The following SPAG16 variants were observed in gnomAD, a reference collection of about 807,000 sequenced individuals.
SPAG16 encodes the protein sperm associated antigen 16.
SPAG16 carries 86 observed loss-of-function variants against 80.4 expected under a neutral mutation model. The ratio of observed to expected loss-of-function variants is 1.07; its 90% CI spans 0.90 to 1.28. The LOEUF is 1.28. SPAG16 is among the 50% of genes most tolerant of loss of function. The probability of loss-of-function intolerance (pLI) is 0.00; values close to 1 mark genes in which losing one functional copy is unlikely to be tolerated. For synonymous variants in SPAG16, 294 were observed against 265.9 expected, an observed-to-expected ratio of 1.11 and a Z score of -1.03; for missense variants, 870 against 765.3, an observed-to-expected ratio of 1.14 and a Z score of -1.61.
At position 214,208,107 on chromosome 2, in the gene SPAG16, T is replaced by C. The variant is rs147505682; in HGVS notation, c.1720+58841T>C. 1.5e-3 allele frequency among the ~76,000 whole-genome samples: 228 copies of C among 152,350 alleles called. 2 individuals carry two copies. Among genetic ancestry groups the C allele is most frequent in the African/African-American group, 4.3e-3 (179 of 41,582 alleles). ...GTGCACCAATTCTCCTTAATAACTCTCTTTCATATATACATATACTCTATT... is the reference window on the plus strand; with the variant it reads ...GTGCACCAATTCTCCTTAATAACTCCCTTTCATATATACATATACTCTATT... On this transcript the variant is annotated intron_variant, in intron 15 of 15. Coordinates refer to ENST00000331683, the MANE Select transcript of SPAG16 (RefSeq NM_024532.5).
At chr2:214,404,401 G>A (rs1391600724) in intron 15 of SPAG16, among the ~76,000 whole-genome samples, 6 of 152,262 alleles carry the variant, frequency 3.9e-5, no homozygotes, top group African/African-American at 1.4e-4. Context: ...ACCTGAGAAC[G>A]TCAGAGATGA....
chr2:213,987,941 C>A (rs1288526543), intron 12 of SPAG16, among the ~76,000 whole-genome samples: 1 of 149,944 alleles, frequency 6.7e-6, no homozygotes, highest in East Asian at 1.9e-4. Context: ...AATTAGAGTG[C>A]GTTATAACAA....
intron 15 of SPAG16, among the ~76,000 whole-genome samples, chr2:214,326,552 T>G (rs1045353819): frequency 1.7e-4 from 18 of 108,818 alleles, no homozygotes; most frequent in African/African-American, 4.5e-4. Context: ...TGAGAAATCA[T>G]AATAAGAAGA....
chr2:213,681,861 T>TC (rs1384793984), intron 10 of SPAG16, among the ~76,000 whole-genome samples: 1 of 152,182 alleles, frequency 6.6e-6, no homozygotes, highest in Non-Finnish European at 1.5e-5. Context: ...TTCTTTCCAC[T>TC]CCCCATCTGT....
intron 10 of SPAG16, among the ~76,000 whole-genome samples, chr2:213,672,385 A>G (rs1234990463): frequency 6.9e-6 from 1 of 144,444 alleles, no homozygotes; most frequent in Non-Finnish European, 1.5e-5. Flanking sequence ...TTTCTTCCCT[A>G]TTTCTATCCT....
At chr2:214,002,819 G>A (rs539339481) in intron 12 of SPAG16, among the ~76,000 whole-genome samples, 7 of 152,240 alleles carry the variant, frequency 4.6e-5, no homozygotes, top group South Asian at 2.1e-4. Flanking sequence ...TTACATTGGC[G>A]AGGGACATCT....
intron 15 of SPAG16, among the ~76,000 whole-genome samples, chr2:214,381,417 T>C (rs546691017): frequency 1.3e-5 from 2 of 152,314 alleles, no homozygotes; most frequent in African/African-American, 4.8e-5. Flanking sequence ...GAGATATAAT[T>C]CATAAAGATG....
At chr2:214,071,669 T>C (rs17227489) in intron 13 of SPAG16, among the ~76,000 whole-genome samples, 41,999 of 151,970 alleles carry the variant, frequency 0.28, 6,294 homozygotes, top group Middle Eastern at 0.34. Flanking sequence ...TCAGTCAGCC[T>C]TTCCTATCCT....
At chr2:213,804,796 G>T (rs551725235) in intron 10 of SPAG16, among the ~76,000 whole-genome samples, 3 of 152,178 alleles carry the variant, frequency 2.0e-5, no homozygotes, top group African/African-American at 4.8e-5. Flanking sequence ...AAGAAACCAA[G>T]AGAAGACGGA....
At chr2:214,374,479 T>A (rs1300639199) in intron 15 of SPAG16, among the ~76,000 whole-genome samples, 3 of 152,210 alleles carry the variant, frequency 2.0e-5, no homozygotes, top group Non-Finnish European at 4.4e-5. Context: ...TTCACATTCA[T>A]CCTTTACCAG....
chr2:214,232,787 C>CA (rs1415442257), intron 15 of SPAG16, among the ~76,000 whole-genome samples: 1 of 151,786 alleles, frequency 6.6e-6, no homozygotes, highest in Admixed American at 6.6e-5. Context: ...GACCACCTTA[C>CA]ATAAAAACAG....
chr2:213,699,298 A>G (rs1226995102), intron 10 of SPAG16, among the ~76,000 whole-genome samples: 1 of 152,100 alleles, frequency 6.6e-6, no homozygotes, highest in Non-Finnish European at 1.5e-5. Flanking sequence ...ACATCTCAAC[A>G]AATAGTCCAG....
intron 9 of SPAG16, chr2:213,422,033 T>G (rs1340227490): frequency 3.9e-5 from 23 of 584,190 alleles, no homozygotes; most frequent in Non-Finnish European, 6.5e-5. Context: ...ATGTACCTCA[T>G]TCTTCCTGGA....
At chr2:213,337,343 C>A (rs781248915) in intron 5 of SPAG16, among the ~76,000 whole-genome samples, 1 of 152,168 alleles carries the variant, frequency 6.6e-6, no homozygotes, top group Non-Finnish European at 1.5e-5. Flanking sequence ...ATGTCTCCAG[C>A]AAAGGCACAG....
chr2:213,795,291 A>AAT (rs1016751847), intron 10 of SPAG16, among the ~76,000 whole-genome samples: 5 of 152,286 alleles, frequency 3.3e-5, no homozygotes, highest in African/African-American at 1.2e-4. Context: ...TCTGTAGATT[A>AAT]ATATATATAA....
intron 10 of SPAG16, among the ~76,000 whole-genome samples, chr2:213,533,468 A>G (rs527707154): frequency 3.4e-4 from 52 of 152,312 alleles, no homozygotes; most frequent in African/African-American, 1.2e-3. Flanking sequence ...CACTTGCTCT[A>G]ACACAATTCT....
intron 5 of SPAG16, among the ~76,000 whole-genome samples, chr2:213,338,766 A>C (rs930282620): frequency 5.3e-5 from 8 of 152,214 alleles, no homozygotes; most frequent in African/African-American, 1.9e-4. Context: ...GCAGTAACAG[A>C]AAACCAAACA....
At chr2:213,955,542 C>A (rs985001254) in intron 12 of SPAG16, among the ~76,000 whole-genome samples, 4 of 152,282 alleles carry the variant, frequency 2.6e-5, no homozygotes, top group Admixed American at 6.5e-5. Flanking sequence ...GATTGATCTA[C>A]ATGTCTATCC....
chr2:213,433,577 A>T (rs1007806589), intron 9 of SPAG16, among the ~76,000 whole-genome samples: 5 of 152,194 alleles, frequency 3.3e-5, no homozygotes, highest in Non-Finnish European at 5.9e-5. Context: ...AAATTACAAA[A>T]TACTGATGAA....
Sources: gnomAD v4.1 joint callset for allele counts (sites outside exome capture counted in the v4.1 genomes callset) on GRCh38, gnomAD v4.1.1 for gene constraint, MANE v1.5 for transcripts, NCBI Gene and HGNC (gene_info 2026-07-23, HGNC 2026-07-21) for gene names.